The following AMOTL1 variants were observed in gnomAD, a reference collection of about 807,000 sequenced individuals.
AMOTL1 encodes the protein angiomotin-like protein 1.
AMOTL1 carries 45 observed loss-of-function variants against 102.9 expected under a neutral mutation model. That is an observed-to-expected ratio of 0.44 (90% CI 0.34 to 0.56). The LOEUF is 0.56. Among genes scored for constraint, AMOTL1 ranks in the 20% least tolerant of loss-of-function variants. The probability of loss-of-function intolerance (pLI) is 0.01; values close to 1 mark genes in which losing one functional copy is unlikely to be tolerated. For missense variants in AMOTL1, 1,114 were observed against 1,225.6 expected (o/e 0.91, Z 1.36); for synonymous variants, 481 against 484.7 (o/e 0.99, Z 0.10).
chr11:94,753,674 T>C (rs923513243), intron 3 of AMOTL1, among the ~76,000 whole-genome samples: 1 of 152,194 alleles, frequency 6.6e-6, no homozygotes, highest in African/African-American at 2.4e-5. Context: ...CCAGCCCTGT[T>C]CTTCTCTATT....
In AMOTL1 at chr11:94,840,677, TATATAC is replaced by T. The variant is rs1288880951; in HGVS notation, c.1648+9138_1648+9143del. On this transcript the variant is annotated intron_variant, in intron 6 of 12. Transcript: ENST00000433060. ...ACGTATATATATATATATATATATA[TATATAC>T]ACACACACACACACACACACACACA... is the stretch of plus-strand genomic sequence containing the variant. Among the ~76,000 whole-genome samples the T allele has an allele frequency of 5.5e-4, 71 of 128,006 alleles. No individual in the cohort carries two copies. The East Asian group carries it at 5.9e-3, about 11-fold the overall frequency. 84.0% of individuals were successfully genotyped at this position (128,006 alleles called of 152,430 possible). A position where few individuals can be genotyped will look rare whatever the true frequency, so the allele number is the denominator to read the frequency against.
intron 3 of AMOTL1, among the ~76,000 whole-genome samples, chr11:94,759,230 T>C (rs917564889): frequency 6.6e-6 from 1 of 152,228 alleles, no homozygotes; most frequent in African/African-American, 2.4e-5. Flanking sequence ...GCTTTCTGGT[T>C]GGATTTCAGG....
chr11:94,854,141 G>C (rs1952609221), intron 8 of AMOTL1, 59 bp downstream of exon 8: 1 of 1,463,394 alleles, frequency 6.8e-7, no homozygotes, highest in Admixed American at 2.5e-5. Flanking sequence ...GCAAACGTAT[G>C]GATGTTCTAC....
chr11:94,767,916 T>C (rs1359153456), upstream of AMOTL1, among the ~76,000 whole-genome samples: 1 of 152,124 alleles, frequency 6.6e-6, no homozygotes, highest in African/African-American at 2.4e-5. Flanking sequence ...ATGGAAGCAC[T>C]GGGGCCTGGG....
intron 4 of AMOTL1, among the ~76,000 whole-genome samples, chr11:94,828,272 C>A (rs1952004845): frequency 6.6e-6 from 1 of 152,184 alleles, no homozygotes; most frequent in South Asian, 2.1e-4. Context: ...CCTGTTGATT[C>A]TACTCATTAG....
At chr11:94,835,796 C>T (rs1952167550) in intron 6 of AMOTL1, among the ~76,000 whole-genome samples, 1 of 152,184 alleles carries the variant, frequency 6.6e-6, no homozygotes, top group South Asian at 2.1e-4. Context: ...ATGTGCCTCT[C>T]TAAAAACAGA....
chr11:94,814,943 C>T (rs1951741246), intron 3 of AMOTL1, among the ~76,000 whole-genome samples: 1 of 152,160 alleles, frequency 6.6e-6, no homozygotes, highest in Admixed American at 6.5e-5. Flanking sequence ...CAGAGCTTAG[C>T]ACTGGGCATT....
intron 12 of AMOTL1, 113 bp from the exon 13 acceptor site, chr11:94,870,576 G>T: frequency 1.4e-6 from 1 of 694,194 alleles, no homozygotes; most frequent in South Asian, 2.0e-5. Flanking sequence ...CATGCCCTGT[G>T]GTGAGAATCC....
chr11:94,822,863 A>T (rs1382845938), intron 4 of AMOTL1, among the ~76,000 whole-genome samples: 1 of 152,178 alleles, frequency 6.6e-6, no homozygotes, highest in Admixed American at 6.5e-5. Flanking sequence ...TTAGGGCAGG[A>T]CAGCCATAGA....
chr11:94,862,498 C>T (rs1418292249), intron 9 of AMOTL1, among the ~76,000 whole-genome samples: 1 of 152,280 alleles, frequency 6.6e-6, no homozygotes, highest in Non-Finnish European at 1.5e-5. Context: ...CTTCTGTAAA[C>T]CAACTGGTTT....
Position 94,870,843 on chromosome 11 carries a change from A to G in AMOTL1, c.*48A>G, listed in dbSNP as rs1952982925. The G allele has an allele frequency of 2.0e-6, 3 of 1,473,340 alleles. No individual in the cohort carries two copies. The highest frequency in any genetic ancestry group is 2.8e-6 in the Non-Finnish European group (3 of 1,086,090). 91.3% of individuals were successfully genotyped at this position (1,473,340 alleles called of 1,614,324 possible). On this transcript the variant is annotated 3_prime_UTR_variant, in exon 13 of 13. Transcript: ENST00000433060. The stretch of plus-strand genomic sequence containing the variant: ...GTACAGAACACTGACAAACAAGGAA[A>G]GCGGCAGAGAAAGAAGAAAGACCTA...
At chr11:94,847,677 T>TA (rs1427033198) in intron 6 of AMOTL1, among the ~76,000 whole-genome samples, 2 of 148,902 alleles carry the variant, frequency 1.3e-5, no homozygotes, top group Admixed American at 6.8e-5. Flanking sequence ...TTTCTCATGC[T>TA]AAAAATCCTT....
chr11:94,768,460 G>A lies in AMOTL1; in HGVS notation c.-52G>A. ...TTGTCCGGCGCCACTTCCCCGCGCT[G>A]CCCGGCAGCCGTCTTCCCCAGCCGA... On this transcript the variant is annotated 5_prime_UTR_variant, in exon 1 of 13. Transcript: ENST00000433060. 3 of 1,558,508 alleles carry A rather than the reference G, an allele frequency of 1.9e-6. No homozygotes were observed. Among genetic ancestry groups the A allele is most frequent in the South Asian group, 2.4e-5 (2 of 84,186 alleles).
At chr11:94,780,938 C>G (rs923149903) in intron 1 of AMOTL1, among the ~76,000 whole-genome samples, 6 of 152,110 alleles carry the variant, frequency 3.9e-5, no homozygotes, top group African/African-American at 1.4e-4. Flanking sequence ...TCTCCTCTAT[C>G]TTTTTTTGTT....
At chr11:94,823,211 A>C (rs1449022119) in intron 4 of AMOTL1, among the ~76,000 whole-genome samples, 1 of 152,096 alleles carries the variant, frequency 6.6e-6, no homozygotes, top group Non-Finnish European at 1.5e-5. Flanking sequence ...TTTACAGACA[A>C]TTTGTCCCAG....
intron 3 of AMOTL1, among the ~76,000 whole-genome samples, chr11:94,756,112 C>T (rs988377812): frequency 2.7e-5 from 4 of 148,134 alleles, no homozygotes; most frequent in Non-Finnish European, 6.0e-5. Flanking sequence ...AACCAAATTC[C>T]GCTGTCGATG....
intron 5 of AMOTL1, 139 bp from the exon 6 acceptor site, chr11:94,831,313 T>TGGAC (rs1207585114): frequency 1.7e-6 from 1 of 590,252 alleles, no homozygotes; most frequent in Non-Finnish European, 3.0e-6. Context: ...AGTTACTGTC[T>TGGAC]GTCCCCAAGT....
intron 2 of AMOTL1, among the ~76,000 whole-genome samples, chr11:94,737,774 G>A (rs961010499): frequency 1.3e-5 from 2 of 152,236 alleles, no homozygotes; most frequent in Admixed American, 6.5e-5. Flanking sequence ...ATCTAGGACT[G>A]ATAATTGGAA....
In AMOTL1 at chr11:94,761,517, A is replaced by G. The variant is rs113462418; in HGVS notation, c.136+20529A>G. 5.7e-3 allele frequency among the ~76,000 whole-genome samples: 859 copies of G among 151,880 alleles called. 6 individuals carry two copies. Among genetic ancestry groups the G allele is most frequent in the African/African-American group, 0.019 (803 of 41,422 alleles). On this transcript the variant is annotated intron_variant, in intron 3 of 4. Coordinates refer to the AMOTL1 transcript ENST00000299004. Reference sequence around the variant, plus strand: ...GACTTTATTTTTTCTAGTTATTTCTAATTTTTTTCTAGTTATTTTTAATTA... The same window carrying G: ...GACTTTATTTTTTCTAGTTATTTCTGATTTTTTTCTAGTTATTTTTAATTA...
Sources: gnomAD v4.1 joint callset for allele counts (sites outside exome capture counted in the v4.1 genomes callset) on GRCh38, gnomAD v4.1.1 for gene constraint, MANE v1.5 for transcripts, NCBI Gene and HGNC (gene_info 2026-07-23, HGNC 2026-07-21) for gene names.